The following LRRC4C variants were observed in gnomAD, a reference collection of about 807,000 sequenced individuals.
The protein encoded by LRRC4C is leucine rich repeat containing 4C.
LRRC4C carries 5 observed loss-of-function variants against 33.6 expected under a neutral mutation model. That is an observed-to-expected ratio of 0.15 (90% CI 0.08 to 0.31). The LOEUF (loss-of-function observed/expected upper bound fraction) is 0.31. LRRC4C is among the 10% of genes least tolerant of loss of function. The pLI, the probability that LRRC4C is intolerant of heterozygous loss-of-function variation, is 1.00. For missense variants in LRRC4C, 560 were observed against 796.7 expected (o/e 0.70, Z 3.58); for synonymous variants, 329 against 302.0 (o/e 1.09, Z -0.93).
intron 1 of LRRC4C, among the ~76,000 whole-genome samples, chr11:41,110,265 G>A (rs1026373412): frequency 6.6e-6 from 1 of 151,986 alleles, no homozygotes; most frequent in Non-Finnish European, 1.5e-5. Context: ...TTTACTACAT[G>A]TGGCTATTGA....
chr11:40,382,387 A>G (rs1948917215), intron 3 of LRRC4C, among the ~76,000 whole-genome samples: 1 of 151,636 alleles, frequency 6.6e-6, no homozygotes, highest in Non-Finnish European at 1.5e-5. Context: ...TATAACTGAC[A>G]TAGAAAAAGC....
intron 2 of LRRC4C, among the ~76,000 whole-genome samples, chr11:40,915,592 C>A: frequency 6.6e-6 from 1 of 152,070 alleles, no homozygotes. Flanking sequence ...CCATAAAAAC[C>A]CTAGAAGAAA....
intron 1 of LRRC4C, among the ~76,000 whole-genome samples, chr11:41,317,527 C>T (rs751932763): frequency 1.2e-4 from 18 of 152,126 alleles, no homozygotes; most frequent in Non-Finnish European, 2.5e-4. Context: ...TTTACATCCA[C>T]GTTCCATACC....
chr11:40,204,570 A>T (rs573182101), intron 5 of LRRC4C, among the ~76,000 whole-genome samples: 2 of 152,208 alleles, frequency 1.3e-5, no homozygotes, highest in East Asian at 3.9e-4. Context: ...AGTTTTTCTG[A>T]GAGTTGAACA....
intron 1 of LRRC4C, among the ~76,000 whole-genome samples, chr11:41,345,389 C>T (rs374026892): frequency 3.9e-5 from 6 of 152,074 alleles, no homozygotes; most frequent in East Asian, 1.9e-4. Flanking sequence ...AAATGTATTC[C>T]GCCATGGTCT....
rs1565595158 is a variant in LRRC4C, at chr11:41,340,794, T to A, written c.-496+118637A>T. ...GAAAATTTAAGTGTTATAAGGAGAG[T>A]ACTTCACACATGGTGTGCACTTACT... is the stretch of plus-strand genomic sequence containing the variant. On this transcript the variant is annotated intron_variant, in intron 1 of 6. Transcript: ENST00000528697. Among the ~76,000 whole-genome samples the A allele has an allele frequency of 2.0e-5, 3 of 152,198 alleles. 1 individual carries two copies. Among genetic ancestry groups the A allele is most frequent in the Admixed American group, 2.0e-4 (3 of 15,280 alleles).
intron 2 of LRRC4C, among the ~76,000 whole-genome samples, chr11:40,916,198 T>C (rs910021705): frequency 2.6e-5 from 4 of 152,216 alleles, no homozygotes; most frequent in African/African-American, 9.6e-5. Flanking sequence ...CATTACTGGG[T>C]GTATATCCAA....
intron 1 of LRRC4C, among the ~76,000 whole-genome samples, chr11:41,436,465 G>A (rs1955433094): frequency 6.6e-6 from 1 of 152,162 alleles, no homozygotes; most frequent in Non-Finnish European, 1.5e-5. Context: ...AGACTAAGGA[G>A]GACCAGGGAA....
At chr11:40,205,978 AT>A (rs1863116411) in intron 5 of LRRC4C, among the ~76,000 whole-genome samples, 1 of 152,060 alleles carries the variant, frequency 6.6e-6, no homozygotes, top group Admixed American at 6.6e-5. Flanking sequence ...CACAACATAT[AT>A]TTTATTTGTA....
At chr11:41,108,536 T>G (rs1941645852) in intron 1 of LRRC4C, among the ~76,000 whole-genome samples, 1 of 152,098 alleles carries the variant, frequency 6.6e-6, no homozygotes, top group African/African-American at 2.4e-5. Flanking sequence ...CTATAACTAC[T>G]CTTTAAGAAA....
At chr11:40,488,936 G>A (rs1481457527) in intron 3 of LRRC4C, among the ~76,000 whole-genome samples, 2 of 152,026 alleles carry the variant, frequency 1.3e-5, no homozygotes, top group Admixed American at 1.3e-4. Flanking sequence ...TTTAAAAATG[G>A]AGAATAATAT....
intron 1 of LRRC4C, among the ~76,000 whole-genome samples, chr11:41,412,427 G>A (rs573623061): frequency 6.6e-6 from 1 of 152,212 alleles, no homozygotes; most frequent in African/African-American, 2.4e-5. Flanking sequence ...CGTTTTACTT[G>A]AAGTTTCCAT....
chr11:41,216,633 A>C (rs1947075229), intron 1 of LRRC4C, among the ~76,000 whole-genome samples: 1 of 152,326 alleles, frequency 6.6e-6, no homozygotes, highest in East Asian at 1.9e-4. Context: ...ATGATGCAGG[A>C]GGCAAAATAG....
At chr11:40,413,784 AC>A (rs745819038) in intron 3 of LRRC4C, among the ~76,000 whole-genome samples, 5 of 152,098 alleles carry the variant, frequency 3.3e-5, no homozygotes, top group Non-Finnish European at 7.4e-5. Flanking sequence ...CCTACTTGAA[AC>A]TTTCCCAGGA....
intron 4 of LRRC4C, among the ~76,000 whole-genome samples, chr11:40,308,209 T>C (rs549013006): frequency 4.6e-5 from 7 of 152,184 alleles, no homozygotes; most frequent in African/African-American, 1.7e-4. Context: ...CCACCACACA[T>C]ACAGTTGTTT....
At chr11:40,822,587 T>C (rs1023266358) in intron 2 of LRRC4C, among the ~76,000 whole-genome samples, 1 of 151,684 alleles carries the variant, frequency 6.6e-6, no homozygotes, top group African/African-American at 2.4e-5. Context: ...TCCGTGTCAG[T>C]TGGAAAGTTT....
intron 1 of LRRC4C, among the ~76,000 whole-genome samples, chr11:41,252,592 T>C (rs1948675671): frequency 6.6e-6 from 1 of 152,176 alleles, no homozygotes; most frequent in South Asian, 2.1e-4. Flanking sequence ...GTTTTTGTAA[T>C]ACTATTTTGT....
chr11:40,176,832 C>T (rs1860533229), intron 5 of LRRC4C, among the ~76,000 whole-genome samples: 1 of 151,806 alleles, frequency 6.6e-6, no homozygotes, highest in African/African-American at 2.4e-5. Context: ...TGAGCCAATA[C>T]ACCTGGTCCT....
At chr11:40,609,132 C>T (rs1283376393) in intron 3 of LRRC4C, among the ~76,000 whole-genome samples, 1 of 152,068 alleles carries the variant, frequency 6.6e-6, no homozygotes, top group Non-Finnish European at 1.5e-5. Flanking sequence ...TTCTCAAGGG[C>T]ACATAGAATA....
Sources: allele counts gnomAD v4.1 joint callset (sites outside exome capture counted in the v4.1 genomes callset), GRCh38; gene constraint gnomAD v4.1.1; transcripts MANE v1.5; gene names NCBI Gene and HGNC (gene_info 2026-07-23, HGNC 2026-07-21).